TLN2: variants seen among roughly 807,000 people sequenced by gnomAD.
TLN2 encodes the protein talin 2, also known as talin-2.
A neutral mutation model predicts 294.7 loss-of-function variants in TLN2; 118 were observed. The ratio of observed to expected loss-of-function variants is 0.40; its 90% CI spans 0.34 to 0.47. The LOEUF (loss-of-function observed/expected upper bound fraction) is 0.47, where lower values mean the gene tolerates loss of function less well. TLN2 is among the 20% of genes least tolerant of loss of function. TLN2 has a pLI of 0.84. For synonymous variants in TLN2, 1,431 were observed against 1,304.5 expected (o/e 1.10, Z -2.09); for missense variants, 3,083 against 3,282.2 (o/e 0.94, Z 1.48).
chr15:62,751,005 T>G (rs2061908159), intron 34 of TLN2, among the ~76,000 whole-genome samples: 1 of 151,846 alleles, frequency 6.6e-6, no homozygotes, highest in Non-Finnish European at 1.5e-5. Flanking sequence ...TGGTAGGACA[T>G]TGGAGAGATG....
intron 11 of TLN2, chr15:62,683,100 C>T (rs1313692505): frequency 6.6e-6 from 1 of 152,242 alleles, no homozygotes; most frequent in Non-Finnish European, 1.5e-5. Flanking sequence ...AACATGCAAA[C>T]CAGCCCTTTG....
At chr15:62,415,306 T>G (rs993652696) in intron 1 of TLN2, among the ~76,000 whole-genome samples, 1 of 139,790 alleles carries the variant, frequency 7.2e-6, no homozygotes, top group Non-Finnish European at 1.5e-5. Flanking sequence ...GCCGTGCGAG[T>G]TTCTTCTGAG....
intron 55 of TLN2, 64 bp from the exon 56 acceptor site, chr15:62,835,673 A>C (rs984087318): frequency 6.9e-6 from 11 of 1,584,894 alleles, no homozygotes; most frequent in Non-Finnish European, 9.5e-6. Context: ...AGGTCTGGGG[A>C]TGAGGGGCTG....
At position 62,574,904 on chromosome 15, in the gene TLN2, C is replaced by T. The variant is rs572449219; in HGVS notation, c.-237-14783C>T. 2.5e-4 allele frequency among the ~76,000 whole-genome samples: 38 copies of T among 152,170 alleles called. 1 individual carries two copies. Among genetic ancestry groups the T allele is most frequent in the African/African-American group, 4.8e-5 (2 of 41,438 alleles). On this transcript the variant is annotated intron_variant, in intron 1 of 58. Transcript: ENST00000636159. Reference sequence around the variant, plus strand: ...AATACAGAGTCTCAGCTCACTTTCTCTGTTTATCTTGCCACTCCCTACCTC... The same window carrying T: ...AATACAGAGTCTCAGCTCACTTTCTTTGTTTATCTTGCCACTCCCTACCTC...
chr15:62,610,577 A>G (rs2047837067), intron 2 of TLN2, among the ~76,000 whole-genome samples: 1 of 152,200 alleles, frequency 6.6e-6, no homozygotes, highest in African/African-American at 2.4e-5. Context: ...TTTAAACAGC[A>G]CAATCAACAA....
At chr15:62,694,128 A>G (rs1185895696) in intron 13 of TLN2, among the ~76,000 whole-genome samples, 188 bp from the exon 14 acceptor site, 1 of 151,748 alleles carries the variant, frequency 6.6e-6, no homozygotes. Context: ...TCACCATGCC[A>G]GGCTGATTTA....
chr15:62,536,373 C>T (rs1040076694), intron 1 of TLN2, among the ~76,000 whole-genome samples: 2 of 152,208 alleles, frequency 1.3e-5, no homozygotes, highest in African/African-American at 2.4e-5. Context: ...ATTCCCTCTT[C>T]CCTTCTCTCA....
At chr15:62,590,912 C>T (rs1400822993) in intron 2 of TLN2, among the ~76,000 whole-genome samples, 1 of 151,250 alleles carries the variant, frequency 6.6e-6, no homozygotes, top group African/African-American at 2.4e-5. Context: ...GTAGATTGGT[C>T]TAACCTGGTC....
intron 12 of TLN2, among the ~76,000 whole-genome samples, chr15:62,688,337 T>G (rs1420061992): frequency 1.3e-5 from 2 of 152,180 alleles, no homozygotes; most frequent in Non-Finnish European, 1.5e-5. Context: ...CTATTGATTT[T>G]TTAGTTTGAT....
At chr15:62,412,746 A>G (rs2033846274) in intron 1 of TLN2, among the ~76,000 whole-genome samples, 1 of 152,032 alleles carries the variant, frequency 6.6e-6, no homozygotes. Flanking sequence ...GCTCCCCTAG[A>G]CTCTTAAATC....
intron 1 of TLN2, among the ~76,000 whole-genome samples, chr15:62,566,922 A>G (rs917898848): frequency 3.3e-5 from 5 of 152,188 alleles, no homozygotes; most frequent in Middle Eastern, 3.4e-3. Flanking sequence ...TATAGAAAAT[A>G]TATACAGAAT....
At chr15:62,703,654 GAA>G (rs59924186) in intron 19 of TLN2, among the ~76,000 whole-genome samples, 3,613 of 148,604 alleles carry the variant, frequency 0.024, 69 homozygotes, top group South Asian at 0.053. Flanking sequence ...CACACACAGA[GAA>G]AGAGAGAGAG....
At chr15:62,734,694 T>A (rs1273110084) in intron 28 of TLN2, among the ~76,000 whole-genome samples, 1 of 152,252 alleles carries the variant, frequency 6.6e-6, no homozygotes, top group Admixed American at 6.5e-5. Context: ...AGAAGTGCCA[T>A]GGGATAAATG....
chr15:62,737,449 A>G (rs1485471064), intron 29 of TLN2, among the ~76,000 whole-genome samples: 1 of 152,154 alleles, frequency 6.6e-6, no homozygotes, highest in African/African-American at 2.4e-5. Context: ...AGGGCTGGCC[A>G]CTCAGAAGTT....
chr15:62,780,459 A>C (rs2064064298), intron 43 of TLN2, among the ~76,000 whole-genome samples: 1 of 152,212 alleles, frequency 6.6e-6, no homozygotes, highest in Admixed American at 6.5e-5. Flanking sequence ...CCCGAGGTTC[A>C]TTCACAAGCC....
At chr15:62,792,252 GA>G (rs1423528947) in intron 45 of TLN2, among the ~76,000 whole-genome samples, 8 of 152,206 alleles carry the variant, frequency 5.3e-5, no homozygotes, top group African/African-American at 1.9e-4. Context: ...TACCTGCTTA[GA>G]AGAGGCCTTG....
chr15:62,404,539 C>A (rs2033260254), intron 1 of TLN2, among the ~76,000 whole-genome samples: 1 of 152,100 alleles, frequency 6.6e-6, no homozygotes, highest in Non-Finnish European at 1.5e-5. Context: ...TAAAAGATCC[C>A]CAAAGCATTC....
intron 3 of TLN2, among the ~76,000 whole-genome samples, 146 bp downstream of exon 3, chr15:62,618,621 G>A (rs1036000478): frequency 3.3e-5 from 5 of 152,206 alleles, no homozygotes; most frequent in Non-Finnish European, 7.3e-5. Flanking sequence ...CCTGGAGGAA[G>A]GAATGACAGA....
intron 9 of TLN2, among the ~76,000 whole-genome samples, chr15:62,668,655 C>T (rs1482802735): frequency 6.6e-6 from 1 of 152,168 alleles, no homozygotes; most frequent in African/African-American, 2.4e-5. Context: ...ACGGATGAGA[C>T]GGCGTGTGTG....
Sources: allele counts gnomAD v4.1 joint callset (sites outside exome capture counted in the v4.1 genomes callset), GRCh38; gene constraint gnomAD v4.1.1; transcripts MANE v1.5; gene names NCBI Gene and HGNC (gene_info 2026-07-23, HGNC 2026-07-21).